Variants in VPS37A observed in about 807,000 individuals in gnomAD.
VPS37A encodes the protein VPS37A subunit of ESCRT-I.
A neutral mutation model predicts 49.8 loss-of-function variants in VPS37A; 30 were observed. The observed-to-expected ratio is 0.60, with a 90% CI of 0.45 to 0.82. The LOEUF (loss-of-function observed/expected upper bound fraction) is 0.82. Among genes scored for constraint, VPS37A ranks in the 40% least tolerant of loss-of-function variants. The pLI, the probability that VPS37A is intolerant of heterozygous loss-of-function variation, is 0.00. For missense variants in VPS37A, 593 were observed against 464.4 expected, an observed-to-expected ratio of 1.28 and a Z score of -2.55; for synonymous variants, 195 against 160.6, an observed-to-expected ratio of 1.21 and a Z score of -1.62.
In VPS37A at chr8:17,277,901, C is replaced by CAG. The variant is rs923302870; in HGVS notation, c.713+1436_713+1437dup. ...ACACACACACACACACACACACACA[C>CAG]AGACATATACATATGTGTATTTACA... On this transcript the variant is annotated intron_variant, in intron 6 of 11. Coordinates refer to ENST00000324849, the MANE Select transcript of VPS37A (RefSeq NM_152415.3). 1.8e-4 allele frequency among the ~76,000 whole-genome samples: 27 copies of CAG among 147,632 alleles called. No individual in the cohort carries two copies. In the East Asian group the frequency reaches 2.0e-3, roughly 11 times the overall value.
chr8:17,311,544 C>T, the VPS37A span: 1 of 1,614,066 alleles, frequency 6.2e-7, no homozygotes, highest in South Asian at 1.1e-5. Context: ...AGTGAGGGTC[C>T]AGCAGCAGGC....
intron 1 of VPS37A, among the ~76,000 whole-genome samples, chr8:17,262,688 C>T (rs1024297773): frequency 6.6e-6 from 1 of 151,810 alleles, no homozygotes; most frequent in African/African-American, 2.4e-5. Flanking sequence ...ATAAAAGCTG[C>T]AAACAATCTA....
the VPS37A span, among the ~76,000 whole-genome samples, chr8:17,320,045 C>T: frequency 6.6e-6 from 1 of 152,066 alleles, no homozygotes. Context: ...AAAAACACTT[C>T]ATTACTAGCT....
At chr8:17,256,282 G>A (rs976328193) in intron 1 of VPS37A, among the ~76,000 whole-genome samples, 3 of 131,166 alleles carry the variant, frequency 2.3e-5, no homozygotes, top group South Asian at 5.3e-4. Context: ...TTTAGCTGGG[G>A]TAAAATGATT....
chr8:17,257,042 G>A (rs1203610087), intron 1 of VPS37A, among the ~76,000 whole-genome samples: 1 of 152,134 alleles, frequency 6.6e-6, no homozygotes, highest in Non-Finnish European at 1.5e-5. Flanking sequence ...TTTTCTTCTA[G>A]TAGTTCCATA....
intron 1 of VPS37A, among the ~76,000 whole-genome samples, chr8:17,261,946 T>C (rs1812999849): frequency 6.6e-6 from 1 of 152,200 alleles, no homozygotes; most frequent in Non-Finnish European, 1.5e-5. Context: ...GGAATATTTC[T>C]CCCTTCAGTC....
At position 17,280,361 on chromosome 8, in the gene VPS37A, AT is replaced by A; in HGVS notation, c.901-10del. On this transcript the variant is annotated splice_polypyrimidine_tract_variant and intron_variant, in intron 8 of 11. Transcript: ENST00000324849. ...AAAAATAGAATAAAACAACCTTTTC[AT>A]TTTCTCTTTTAGTATGAATTACTTA... 1 of 1,603,328 alleles carries A rather than the reference AT, an allele frequency of 6.2e-7. No individual in the cohort carries two copies. Among genetic ancestry groups the A allele is most frequent in the Non-Finnish European group, 8.5e-7 (1 of 1,176,820 alleles).
downstream of VPS37A, chr8:17,300,118 G>A (rs1407193713): frequency 6.2e-7 from 1 of 1,613,988 alleles, no homozygotes; most frequent in Non-Finnish European, 8.5e-7. Flanking sequence ...GGGAGTGTTG[G>A]CTATGCTGTT....
chr8:17,282,624 A>G (rs558512625), intron 9 of VPS37A, among the ~76,000 whole-genome samples: 1 of 152,296 alleles, frequency 6.6e-6, no homozygotes. Flanking sequence ...AGGAAACAAC[A>G]GGAAACTGAC....
At chr8:17,309,999 A>G in the VPS37A span, among the ~76,000 whole-genome samples, 18 of 152,188 alleles carry the variant, frequency 1.2e-4, no homozygotes, top group Middle Eastern at 3.4e-3. Flanking sequence ...ATATTGTTTT[A>G]TATTTTAAAA....
chr8:17,274,946 T>C lies in VPS37A; in HGVS notation c.630T>C (p.Asp210=). 6.2e-7 allele frequency: 1 copy of C among 1,614,102 alleles called. No individual in the cohort carries two copies. The change falls in exon 5 of 12, where the codon GAT becomes GAC. Residue 210 remains aspartate (D), a synonymous_variant. Transcript: ENST00000324849. ...TGCCATTACCCATTCCCACAGTGGA[T>C]GCTTCAATACCGGTTGGTATCGTCA... The part of the protein sequence containing the change: ...SNLPLPIPTV[D]ASIPTSQNGF...
At chr8:17,281,630 G>C (rs1815062901) in intron 9 of VPS37A, among the ~76,000 whole-genome samples, 1 of 151,860 alleles carries the variant, frequency 6.6e-6, no homozygotes, top group Admixed American at 6.6e-5. Context: ...TGTTTGGGAG[G>C]TTTTGAGTAC....
chr8:17,302,321 A>G (rs758066526), downstream of VPS37A: 4 of 1,575,984 alleles, frequency 2.5e-6, no homozygotes, highest in African/African-American at 4.1e-5. Flanking sequence ...ACCTTATCAC[A>G]GTCTGAAAAT....
the VPS37A span, among the ~76,000 whole-genome samples, chr8:17,310,083 C>T: frequency 6.6e-6 from 1 of 152,168 alleles, no homozygotes; most frequent in African/African-American, 2.4e-5. Context: ...TCACTACACC[C>T]TTGACCTCCT....
intron 1 of VPS37A, among the ~76,000 whole-genome samples, chr8:17,264,457 T>C (rs1181875107): frequency 6.6e-6 from 1 of 152,216 alleles, no homozygotes; most frequent in East Asian, 1.9e-4. Flanking sequence ...GTCCTAATAT[T>C]GAGTGTCCAC....
the VPS37A span, chr8:17,309,319 A>G: frequency 3.2e-6 from 5 of 1,560,918 alleles, no homozygotes; most frequent in Admixed American, 5.1e-5. Flanking sequence ...GTCCTTTTCA[A>G]TTAATACCTA....
At chr8:17,258,832 A>G (rs934486435) in intron 1 of VPS37A, among the ~76,000 whole-genome samples, 1 of 151,994 alleles carries the variant, frequency 6.6e-6, no homozygotes, top group Admixed American at 6.6e-5. Flanking sequence ...TCATGGTTTA[A>G]TCTTAGTAGG....
Position 17,297,647 on chromosome 8 carries a change from T to G in VPS37A, c.*2661T>G, listed in dbSNP as rs544790510. 6.6e-6 allele frequency: 1 copy of G among 152,186 alleles called. No individual in the cohort carries two copies. The highest frequency in any genetic ancestry group is 1.5e-5 in the Non-Finnish European group (1 of 67,920). 9.4% of individuals were successfully genotyped at this position (152,186 alleles called of 1,614,324 possible). ...AATATGCCTCAAATCAGTTTTATAC[T>G]GGATTATTCCCTATGCTTTAAACCA... On this transcript the variant is annotated 3_prime_UTR_variant, in exon 12 of 12. Coordinates refer to ENST00000324849, the MANE Select transcript of VPS37A (RefSeq NM_152415.3).
chr8:17,269,090 C>G (rs1813740239), intron 4 of VPS37A, 134 bp downstream of exon 4: 2 of 621,280 alleles, frequency 3.2e-6, no homozygotes, highest in Non-Finnish European at 5.4e-6. Flanking sequence ...TCCATACTTT[C>G]AGAGGCAACT....
Sources: allele counts gnomAD v4.1 joint callset (sites outside exome capture counted in the v4.1 genomes callset), GRCh38; gene constraint gnomAD v4.1.1; transcripts MANE v1.5; gene names NCBI Gene and HGNC (gene_info 2026-07-23, HGNC 2026-07-21).